Variants in TNRC6A observed in about 807,000 individuals in gnomAD.
The protein encoded by TNRC6A is trinucleotide repeat-containing gene 6A protein.
A neutral mutation model predicts 221.2 loss-of-function variants in TNRC6A; 44 were observed. The ratio of observed to expected loss-of-function variants is 0.20; its 90% CI spans 0.16 to 0.26. The LOEUF (loss-of-function observed/expected upper bound fraction) is 0.26, where lower values mean the gene tolerates loss of function less well. Among genes scored for constraint, TNRC6A ranks in the 10% least tolerant of loss-of-function variants. The probability of loss-of-function intolerance (pLI) is 1.00; values close to 1 mark genes in which losing one functional copy is unlikely to be tolerated. For synonymous variants in TNRC6A, 847 were observed against 838.5 expected (o/e 1.01, Z -0.18); for missense variants, 2,199 against 2,404.4 (o/e 0.91, Z 1.79).
intron 5 of TNRC6A, among the ~76,000 whole-genome samples, chr16:24,786,260 A>T (rs2057963293): frequency 6.6e-6 from 1 of 152,096 alleles, no homozygotes. Flanking sequence ...TAAGCACCTA[A>T]TATGGATCAG....
At position 24,806,212 on chromosome 16, in the gene TNRC6A, T is replaced by C. The variant is rs757710169; in HGVS notation, c.4258T>C (p.Leu1420=). The stretch of plus-strand genomic sequence containing the variant: ...TTCGCTATCTTTCCTCTAGCGATTG[T>C]TAGCGCAGCAGCAAAGGGCGCAGAG... The part of the protein sequence containing the change: ...LSQISQLQRL[L]AQQQRAQSQR... Residue 1420 remains leucine, a synonymous_variant, in exon 16 of 25, where the codon TTA becomes CTA. Transcript: ENST00000395799. 2 of 1,614,110 alleles carry C rather than the reference T, an allele frequency of 1.2e-6. No individual in the cohort carries two copies. Among genetic ancestry groups the C allele is most frequent in the Non-Finnish European group, 1.7e-6 (2 of 1,180,002 alleles).
intron 4 of TNRC6A, among the ~76,000 whole-genome samples, chr16:24,772,315 A>G (rs371250705): frequency 7.2e-5 from 11 of 152,200 alleles, no homozygotes; most frequent in South Asian, 2.1e-4. Flanking sequence ...GTGCTCTCCA[A>G]TAATTTAAAT....
intron 3 of TNRC6A, among the ~76,000 whole-genome samples, chr16:24,751,209 T>G (rs1474203253): frequency 6.6e-6 from 1 of 152,236 alleles, no homozygotes; most frequent in Non-Finnish European, 1.5e-5. Context: ...TCTCTGGGCC[T>G]TAGTTTCCTT....
intron 2 of TNRC6A, among the ~76,000 whole-genome samples, chr16:24,658,546 G>C (rs2054963850): frequency 6.6e-6 from 1 of 152,128 alleles, no homozygotes. Context: ...ATTTTTAGTA[G>C]AGACAGGGTT....
upstream of TNRC6A, among the ~76,000 whole-genome samples, chr16:24,729,387 GAGGAGGGGAGGGA>G (rs2056552948): frequency 6.7e-6 from 1 of 149,560 alleles, no homozygotes; most frequent in African/African-American, 2.5e-5. Context: ...AAAGAAGGAG[GAGGAGGGGAGGGA>G]CTCCCCTCCT....
intron 1 of TNRC6A, among the ~76,000 whole-genome samples, chr16:24,639,632 T>C (rs951675009): frequency 6.6e-6 from 1 of 152,200 alleles, no homozygotes; most frequent in Non-Finnish European, 1.5e-5. Flanking sequence ...ATACCTGTTG[T>C]ACCAGCCGCT....
chr16:24,665,555 C>A (rs571064067), intron 2 of TNRC6A, among the ~76,000 whole-genome samples: 1 of 152,304 alleles, frequency 6.6e-6, no homozygotes, highest in East Asian at 1.9e-4. Flanking sequence ...TTCCATATTA[C>A]CTTAAAATAG....
intron 9 of TNRC6A, among the ~76,000 whole-genome samples, 157 bp from the exon 10 acceptor site, chr16:24,797,333 T>C (rs974262891): frequency 1.5e-4 from 23 of 152,180 alleles, no homozygotes; most frequent in Non-Finnish European, 4.4e-5. Flanking sequence ...AATAAGTTGA[T>C]TTTTAATTAT....
At chr16:24,618,642 A>ATTTTTTTTTTTTTTT (rs61228496) in intron 1 of TNRC6A, among the ~76,000 whole-genome samples, 1 of 88,040 alleles carries the variant, frequency 1.1e-5, no homozygotes, top group Non-Finnish European at 2.2e-5. Flanking sequence ...CATTTCATGA[A>ATTTTTTTTTTTTTTT]TTTTTTTTTT....
rs138893990 is a variant in TNRC6A, at chr16:24,655,662, C to T, written n.402+14653C>T. On this transcript the variant is annotated intron_variant and non_coding_transcript_variant, in intron 2 of 2. Transcript: ENST00000566108. ...CAAGATCGTGCCACTGCACTCCAGC[C>T]TGGGCGACAAGAGTGAAATTCTGTC... Among the ~76,000 whole-genome samples the T allele has an allele frequency of 7.6e-3, 1,154 of 151,888 alleles. 16 individuals carry two copies. Among genetic ancestry groups the T allele is most frequent in the African/African-American group, 0.027 (1,097 of 41,392 alleles).
At chr16:24,717,142 T>C (rs1228831583) in intron 2 of TNRC6A, among the ~76,000 whole-genome samples, 1 of 152,054 alleles carries the variant, frequency 6.6e-6, no homozygotes, top group Non-Finnish European at 1.5e-5. Flanking sequence ...TGGAGTGCAG[T>C]GGTGCAATCA....
At chr16:24,680,260 G>GA (rs994516255) in intron 2 of TNRC6A, among the ~76,000 whole-genome samples, 74 of 142,314 alleles carry the variant, frequency 5.2e-4, no homozygotes, top group East Asian at 8.2e-4. Flanking sequence ...TCTTTATGCA[G>GA]AAAAAAAAAA....
In TNRC6A at chr16:24,825,507, A is replaced by T. The variant is rs764190009; in HGVS notation, c.*1700A>T. ...ATTTATTTGTAGGCTCTTTTTTATA[A>T]TGAAAGTTTCAAAGTTGCTATGTAT... On this transcript the variant is annotated 3_prime_UTR_variant, in exon 25 of 25. Coordinates refer to ENST00000395799, the MANE Select transcript of TNRC6A (RefSeq NM_014494.4). The T allele has an allele frequency of 1.3e-5, 2 of 152,658 alleles. No individual in the cohort carries two copies. Among genetic ancestry groups the T allele is most frequent in the Non-Finnish European group, 2.9e-5 (2 of 68,036 alleles). The allele number at this position is 152,658 out of a possible 1,614,324, so 9.5% of individuals were successfully genotyped here.
chr16:24,669,032 G>A (rs1183099014), intron 2 of TNRC6A, among the ~76,000 whole-genome samples: 1 of 151,584 alleles, frequency 6.6e-6, no homozygotes, highest in Non-Finnish European at 1.5e-5. Context: ...TTTCCACAGT[G>A]CGATCCAGAT....
Position 24,794,632 on chromosome 16 carries a change from G to A in TNRC6A, c.3441G>A (p.Val1147=). The change falls in exon 8 of 25, where the codon GTG becomes GTA. Residue 1147 remains valine (V), a synonymous_variant. Transcript: ENST00000395799. ...RPTGWEEEED[V]EIGMWNSNSS... is the part of the protein sequence containing the mutation. ...CTGGCTGGGAAGAGGAAGAGGATGT[G>A]GAGATTGGAATGTGGAATAGTAATT... 2 of 1,613,994 alleles carry A rather than the reference G, an allele frequency of 1.2e-6. No individual in the cohort carries two copies. Among genetic ancestry groups the A allele is most frequent in the Non-Finnish European group, 1.7e-6 (2 of 1,179,924 alleles).
intron 2 of TNRC6A, among the ~76,000 whole-genome samples, chr16:24,685,588 C>T (rs1186825238): frequency 2.6e-5 from 4 of 152,174 alleles, no homozygotes; most frequent in Admixed American, 1.3e-4. Context: ...ATCTGCCTGC[C>T]TTGGCCTCCC....
intron 4 of TNRC6A, among the ~76,000 whole-genome samples, chr16:24,764,147 G>GTT (rs71383713): frequency 2.4e-4 from 34 of 141,196 alleles, no homozygotes; most frequent in Non-Finnish European, 3.6e-4. Context: ...GTATTTGACT[G>GTT]TTTTTTTTTT....
intron 2 of TNRC6A, 145 bp from the exon 3 acceptor site, chr16:24,750,581 G>C (rs2057113346): frequency 5.9e-6 from 6 of 1,011,770 alleles, no homozygotes; most frequent in Admixed American, 3.0e-5. Flanking sequence ...TTAGGTTGCA[G>C]GTTGTGTTTT....
At chr16:24,635,395 G>T (rs968156021) in intron 1 of TNRC6A, among the ~76,000 whole-genome samples, 2 of 151,912 alleles carry the variant, frequency 1.3e-5, no homozygotes, top group East Asian at 1.9e-4. Flanking sequence ...CCATTCTTCC[G>T]CCTCAGCCTC....
Sources: gnomAD v4.1 joint callset for allele counts (sites outside exome capture counted in the v4.1 genomes callset) on GRCh38, gnomAD v4.1.1 for gene constraint, MANE v1.5 for transcripts, NCBI Gene and HGNC (gene_info 2026-07-23, HGNC 2026-07-21) for gene names.